The following GPRIN2 variants were observed in gnomAD, a reference collection of about 807,000 sequenced individuals.
The protein encoded by GPRIN2 is G protein-regulated inducer of neurite outgrowth 2.
A neutral mutation model predicts 0.3 loss-of-function variants in GPRIN2; 1 was observed. The observed-to-expected ratio is 3.90, with a 90% confidence interval of 1.39 to 18.51. GPRIN2 has a LOEUF of 18.51. GPRIN2 is among the 30% of genes most tolerant of loss of function. The pLI is 0.11. For synonymous variants in GPRIN2, 361 were observed against 258.6 expected (o/e 1.40, Z -3.80); for missense variants, 880 against 604.2 (o/e 1.46, Z -4.79).
chr10:46,543,113 T>C lies in GPRIN2; in HGVS notation c.*6247A>G, dbSNP rs914194987. 6.6e-6 allele frequency among the ~76,000 whole-genome samples: 1 copy of C among 152,310 alleles called. No individual in the cohort carries two copies. The highest frequency in any genetic ancestry group is 1.5e-5 in the Non-Finnish European group (1 of 68,058). The stretch of plus-strand genomic sequence containing the variant: ...AGGGAGACCTCCCTCTGTAAGGAGA[T>C]GCTCAGATGTTTTGGTTTGTGTCCA... On this transcript the variant is annotated 3_prime_UTR_variant, in exon 3 of 3. Coordinates refer to ENST00000374314, the MANE Select transcript of GPRIN2 (RefSeq NM_001385282.1).
intron 2 of GPRIN2, among the ~76,000 whole-genome samples, chr10:46,551,842 A>T (rs997321756): frequency 6.6e-6 from 1 of 152,428 alleles, no homozygotes; most frequent in Non-Finnish European, 1.5e-5. Flanking sequence ...TTCATCCCTG[A>T]CTGAGCATTG....
At position 46,543,701 on chromosome 10, in the gene GPRIN2, C is replaced by T. The variant is rs1352970050; in HGVS notation, c.*5659G>A. 6.6e-6 allele frequency among the ~76,000 whole-genome samples: 1 copy of T among 152,308 alleles called. No homozygotes were observed. The highest frequency in any genetic ancestry group is 2.4e-5 in the African/African-American group (1 of 41,488). On this transcript the variant is annotated 3_prime_UTR_variant, in exon 3 of 3. Coordinates refer to ENST00000374314, the MANE Select transcript of GPRIN2 (RefSeq NM_001385282.1). ...CCAGATGTCAATGGACATATTCCCA[C>T]AATTTTCACATTCCCTCCCAATAAA...
chr10:46,543,792 T>G lies in GPRIN2; in HGVS notation c.*5568A>C, dbSNP rs1417333925. Among the ~76,000 whole-genome samples, 2 of 152,426 alleles carry G rather than the reference T, an allele frequency of 1.3e-5. No individual in the cohort carries two copies. Among genetic ancestry groups the G allele is most frequent in the Non-Finnish European group, 1.5e-5 (1 of 68,048 alleles). Reference sequence around the variant, plus strand: ...GAGCTCGTATTTTGGGGCCAGACCTTCCTCCTTGCTGGGCTATCTCGGGCT... The same window carrying G: ...GAGCTCGTATTTTGGGGCCAGACCTGCCTCCTTGCTGGGCTATCTCGGGCT... On this transcript the variant is annotated 3_prime_UTR_variant, in exon 3 of 3. Coordinates refer to ENST00000374314, the MANE Select transcript of GPRIN2 (RefSeq NM_001385282.1).
rs1447424831 is a variant in GPRIN2 at position 46,548,236 on chromosome 10, CTG to C, written c.*1122_*1123del. On this transcript the variant is annotated 3_prime_UTR_variant, in exon 3 of 3. Coordinates refer to ENST00000374314, the MANE Select transcript of GPRIN2 (RefSeq NM_001385282.1). ...GAAATCTTTGGGCAATGAAGTCAGA[CTG>C]TGCCAAAGCCCATGTTTCTGTCTCT... Among the ~76,000 whole-genome samples, 1 of 61,874 alleles carries C rather than the reference CTG, an allele frequency of 1.6e-5. No individual in the cohort carries two copies. Among genetic ancestry groups the C allele is most frequent in the Non-Finnish European group, 3.1e-5 (1 of 32,374 alleles). 40.6% of individuals were successfully genotyped at this position (61,874 alleles called of 152,430 possible).
chr10:46,554,308 C>G (rs1359667721), intron 2 of GPRIN2, among the ~76,000 whole-genome samples: 1 of 152,310 alleles, frequency 6.6e-6, no homozygotes, highest in African/African-American at 2.4e-5. Context: ...TACCTTCATC[C>G]CATCCTAGGA....
chr10:46,550,117 T>A lies in GPRIN2; in HGVS notation c.620A>T (p.His207Leu), dbSNP rs147564769. The A allele has an allele frequency of 4.3e-6, 7 of 1,609,594 alleles. No individual in the cohort carries two copies. Among genetic ancestry groups the A allele is most frequent in the African/African-American group, 1.3e-5 (1 of 75,014 alleles). The change falls in exon 3 of 3, where the codon CAC becomes CTC. Residue 207 changes from histidine to leucine, a missense_variant. Coordinates refer to ENST00000374314, the MANE Select transcript of GPRIN2 (RefSeq NM_001385282.1). ...PPLDLGDTTAHSSSAQAEPKA... is the reference protein window; with the variant it reads ...PPLDLGDTTALSSSAQAEPKA... ...GGGCTCAGCCTGGGCACTGCTGCTGTGGGCAGTTGTGTCCCCCAGGTCTAG... is the reference window on the plus strand; with the variant it reads ...GGGCTCAGCCTGGGCACTGCTGCTGAGGGCAGTTGTGTCCCCCAGGTCTAG...
At position 46,543,455 on chromosome 10, in the gene GPRIN2, G is replaced by A. The variant is rs1452346145; in HGVS notation, c.*5905C>T. On this transcript the variant is annotated 3_prime_UTR_variant, in exon 3 of 3. Coordinates refer to ENST00000374314, the MANE Select transcript of GPRIN2 (RefSeq NM_001385282.1). ...GGGATGACAGAGCACCCAGGGCAGC[G>A]GGTGCAGGACCAGCAGAGGTCCCCC... Among the ~76,000 whole-genome samples the A allele has an allele frequency of 1.3e-5, 2 of 152,306 alleles. No homozygotes were observed. Among genetic ancestry groups the A allele is most frequent in the East Asian group, 1.9e-4 (1 of 5,208 alleles).
chr10:46,549,571 A>G lies in GPRIN2; in HGVS notation c.1166T>C (p.Met389Thr), dbSNP rs1832675501. 3 of 1,614,162 alleles carry G rather than the reference A, an allele frequency of 1.9e-6. No homozygotes were observed. Among genetic ancestry groups the G allele is most frequent in the Admixed American group, 1.7e-5 (1 of 60,036 alleles). The change falls in exon 3 of 3, where the codon ATG (methionine) becomes ACG (threonine). Residue 389 changes from methionine (M) to threonine (T), a missense_variant. Transcript: ENST00000374314. The stretch of plus-strand genomic sequence containing the variant: ...CGCAGCTCCGTACACCTCCCATGTC[A>G]TGCCCTCAGCATCCCATCGCACATC... ...VRDVRWDAEG[M>T]TWEVYGAAVD... is the part of the protein sequence containing the mutation.
rs1055192308 is a variant in GPRIN2 at position 46,551,337 on chromosome 10, T to C, written c.-6-595A>G. The C allele has an allele frequency of 1.4e-5, 13 of 948,874 alleles. No individual in the cohort carries two copies. In the East Asian group the frequency reaches 6.9e-4, roughly 51 times the overall value. 58.8% of individuals were successfully genotyped at this position (948,874 alleles called of 1,614,324 possible). On this transcript the variant is annotated intron_variant, in intron 2 of 2. Transcript: ENST00000374314. ...GACCAGAGGACACTGAGAATCACCC[T>C]GGGCTTCCACAACCACCCCCATCCT...
At position 46,548,919 on chromosome 10, in the gene GPRIN2, AAAGACCTGGGC is replaced by A. The variant is rs1842405827; in HGVS notation, c.*430_*440del. 2 of 187,862 alleles carry A rather than the reference AAAGACCTGGGC, an allele frequency of 1.1e-5. No individual in the cohort carries two copies. Among genetic ancestry groups the A allele is most frequent in the Admixed American group, 6.2e-5 (1 of 16,156 alleles). The allele number at this position is 187,862 out of a possible 1,614,324, so 11.6% of individuals were successfully genotyped here. ...TCTGATAACATCAGTCCCCTTCCCTAAAGACCTGGGCAGTCCCTGTCACTGGGGCCTCACAT... is the reference window on the plus strand; with the variant it reads ...TCTGATAACATCAGTCCCCTTCCCTAAGTCCCTGTCACTGGGGCCTCACAT... On this transcript the variant is annotated 3_prime_UTR_variant, in exon 3 of 3. Transcript: ENST00000374314.
chr10:46,550,356 G>C lies in GPRIN2; in HGVS notation c.381C>G (p.Ser127Arg). The C allele has an allele frequency of 6.2e-7, 1 of 1,612,926 alleles. No homozygotes were observed. Among genetic ancestry groups the C allele is most frequent in the South Asian group, 1.1e-5 (1 of 91,046 alleles). The change falls in exon 3 of 3, where the codon AGC becomes AGG. Residue 127 changes from serine (S) to arginine (R), a missense_variant. By Grantham distance (110) the Ser-to-Arg change is moderately radical. Transcript: ENST00000374314. ...MQRSHSDLVR[S>R]TQMRGHSGAR... Reference sequence around the variant, plus strand: ...CACCACTGTGTCCCCGCATCTGGGTGCTACGGACCAGGTCTGAATGGCTCC... The same window carrying C: ...CACCACTGTGTCCCCGCATCTGGGTCCTACGGACCAGGTCTGAATGGCTCC...
At position 46,542,753 on chromosome 10, in the gene GPRIN2, C is replaced by A. The variant is rs1213245884; in HGVS notation, c.*6607G>T. On this transcript the variant is annotated 3_prime_UTR_variant, in exon 3 of 3. Transcript: ENST00000374314. ...CTAGCCTTGGCTCTTGGACACGAAT[C>A]CAGTTCCTGACAGCAGAGAAGCATA... Among the ~76,000 whole-genome samples the A allele has an allele frequency of 1.3e-5, 2 of 152,302 alleles. No homozygotes were observed. Among genetic ancestry groups the A allele is most frequent in the Non-Finnish European group, 2.9e-5 (2 of 68,054 alleles).
chr10:46,553,506 G>A (rs1056359138), intron 2 of GPRIN2, among the ~76,000 whole-genome samples: 4 of 152,246 alleles, frequency 2.6e-5, no homozygotes, highest in African/African-American at 4.8e-5. Flanking sequence ...CCCAGGGAGG[G>A]GGGCCATAAA....
At chr10:46,551,672 G>A (rs1294085954) in intron 2 of GPRIN2, among the ~76,000 whole-genome samples, 2 of 152,310 alleles carry the variant, frequency 1.3e-5, no homozygotes, top group Admixed American at 6.5e-5. Context: ...CAGTGTACCT[G>A]CATCCTCATT....
chr10:46,550,785 G>T, intron 2 of GPRIN2, 43 bp from the exon 3 acceptor site: 2 of 1,483,534 alleles, frequency 1.3e-6, no homozygotes, highest in South Asian at 3.0e-5. Flanking sequence ...GAGTTGGGTG[G>T]CAGCACCTAA....
At position 46,548,529 on chromosome 10, in the gene GPRIN2, G is replaced by A. The variant is rs1832798688; in HGVS notation, c.*831C>T. On this transcript the variant is annotated 3_prime_UTR_variant, in exon 3 of 3. Transcript: ENST00000374314. ...TCTCCCCTTCCTCAGGCCAGCCTCT[G>A]ACACAATGACCCTGGAAGCCTGGCA... is the stretch of plus-strand genomic sequence containing the variant. Among the ~76,000 whole-genome samples the A allele has an allele frequency of 1.0e-4, 16 of 152,412 alleles. No homozygotes were observed. The East Asian group carries it at 3.1e-3, about 29-fold the overall frequency.
chr10:46,551,431 C>T (rs1842596337), intron 2 of GPRIN2: 1 of 985,420 alleles, frequency 1.0e-6, no homozygotes, highest in African/African-American at 1.7e-5. Flanking sequence ...GCTCCAGGGG[C>T]AAGGAGAGGC....
chr10:46,543,962 G>GT lies in GPRIN2; in HGVS notation c.*5397dup, dbSNP rs1833013453. ...GGCCCACGTCACTTTGGTTTCGCTT[G>GT]TTTTTTTTTTTAGTAAACATCAGCT... On this transcript the variant is annotated 3_prime_UTR_variant, in exon 3 of 3. Transcript: ENST00000374314. Among the ~76,000 whole-genome samples, 111 of 152,036 alleles carry GT rather than the reference G, an allele frequency of 7.3e-4. No homozygotes were observed. In the East Asian group the frequency reaches 0.012, roughly 17 times the overall value.
In GPRIN2 at chr10:46,550,536, G is replaced by A. The variant is rs1555020460; in HGVS notation, c.201C>T (p.Asn67=). Residue 67 remains asparagine (N), a synonymous_variant, in exon 3 of 3, where the codon AAC becomes AAT. Transcript: ENST00000374314. ...TRPQAPEEEG[N]PPESMKPARA... ...GTGCTGGCTTCATGCTCTCAGGCGG[G>A]TTCCCCTCTTCCTCCGGGGCCTGGG... 6.3e-7 allele frequency: 1 copy of A among 1,593,320 alleles called. No homozygotes were observed. The highest frequency in any genetic ancestry group is 8.6e-7 in the Non-Finnish European group (1 of 1,169,052).
Sources: gnomAD v4.1 joint callset for allele counts (sites outside exome capture counted in the v4.1 genomes callset) on GRCh38, gnomAD v4.1.1 for gene constraint, MANE v1.5 for transcripts, NCBI Gene and HGNC (gene_info 2026-07-23, HGNC 2026-07-21) for gene names.